Variants in GMEB1 observed in about 807,000 individuals in gnomAD.
The protein encoded by GMEB1 is glucocorticoid modulatory element binding protein 1, also known as glucocorticoid modulatory element-binding protein 1.
In GMEB1, 6 loss-of-function variants were observed where a neutral mutation model predicts 52.4. The ratio of observed to expected loss-of-function variants is 0.11; its 90% CI spans 0.06 to 0.23. The LOEUF is 0.23. Among genes scored for constraint, GMEB1 ranks in the 10% least tolerant of loss-of-function variants. GMEB1 has a pLI of 1.00. For missense variants in GMEB1, 486 were observed against 685.6 expected, an observed-to-expected ratio of 0.71 and a Z score of 3.25; for synonymous variants, 255 against 244.9, an observed-to-expected ratio of 1.04 and a Z score of -0.38.
In GMEB1 at chr1:28,689,933, A is replaced by G. The variant is rs183824249; in HGVS notation, c.129-171A>G. The G allele has an allele frequency of 5.9e-3, 3,000 of 508,652 alleles. 16 individuals are homozygous for G. The highest frequency in any genetic ancestry group is 6.2e-3 in the Non-Finnish European group (1,792 of 288,564). 31.5% of individuals were successfully genotyped at this position (508,652 alleles called of 1,614,324 possible). ...TTTTCATGGTAGAAGCTGCTAAGCAATCCTGGGAGGTTTGGAGTTTAAATA... is the reference window on the plus strand; with the variant it reads ...TTTTCATGGTAGAAGCTGCTAAGCAGTCCTGGGAGGTTTGGAGTTTAAATA... On this transcript the variant is annotated intron_variant, in intron 2 of 9. Coordinates refer to ENST00000373816, the MANE Select transcript of GMEB1 (RefSeq NM_001319674.2).
In GMEB1 at chr1:28,672,910, T is replaced by C. The variant is rs1437411611; in HGVS notation, c.-31+4071T>C. ...CATGCCACCATGCCCAGATAATTTT[T>C]TTTTTTTTGAGTTTTGCTCTTGTTG... On this transcript the variant is annotated intron_variant, in intron 1 of 9. Coordinates refer to ENST00000373816, the MANE Select transcript of GMEB1 (RefSeq NM_001319674.2). 2.0e-5 allele frequency among the ~76,000 whole-genome samples: 3 copies of C among 152,002 alleles called. No individual in the cohort carries two copies. The East Asian group carries it at 5.8e-4, about 29-fold the overall frequency.
chr1:28,695,324 C>T (rs1670151602), intron 5 of GMEB1, among the ~76,000 whole-genome samples: 1 of 151,436 alleles, frequency 6.6e-6, no homozygotes, highest in Non-Finnish European at 1.5e-5. Flanking sequence ...ACTGTACCTC[C>T]TAGATTCAAG....
chr1:28,711,485 ACT>A (rs1671059831), intron 9 of GMEB1, among the ~76,000 whole-genome samples: 1 of 151,904 alleles, frequency 6.6e-6, no homozygotes, highest in African/African-American at 2.4e-5. Flanking sequence ...ACAGGGTCTC[ACT>A]CTGTCACTGA....
chr1:28,697,014 G>C lies in GMEB1; in HGVS notation c.528G>C (p.Leu176=). Reference sequence around the variant, plus strand: ...GCAGAAGCACCAAATTTGATCTTCTGATCAGCAGTGCAAGAGCTCCAGTGC... The same window carrying C: ...GCAGAAGCACCAAATTTGATCTTCTCATCAGCAGTGCAAGAGCTCCAGTGC... The part of the protein sequence containing the change: ...NTCRSTKFDL[L]ISSARAPVPG... The change falls in exon 6 of 10, where the codon CTG becomes CTC. Residue 176 remains leucine (L), a synonymous_variant. Transcript: ENST00000373816. 1 of 1,611,966 alleles carries C rather than the reference G, an allele frequency of 6.2e-7. No individual in the cohort carries two copies. Among genetic ancestry groups the C allele is most frequent in the Non-Finnish European group, 8.5e-7 (1 of 1,178,972 alleles).
At chr1:28,704,381 G>T in intron 8 of GMEB1, 52 bp downstream of exon 8, 2 of 1,503,282 alleles carry the variant, frequency 1.3e-6, no homozygotes, top group Non-Finnish European at 1.8e-6. Flanking sequence ...ACTCACCTCC[G>T]TAGGCAGGTC....
At chr1:28,710,062 G>A (rs1670975042) in intron 8 of GMEB1, among the ~76,000 whole-genome samples, 1 of 152,114 alleles carries the variant, frequency 6.6e-6, no homozygotes, top group Admixed American at 6.6e-5. Context: ...CAGGAGAATG[G>A]CGTGAACCCG....
chr1:28,709,992 C>G (rs770583858), intron 8 of GMEB1, among the ~76,000 whole-genome samples: 1 of 151,822 alleles, frequency 6.6e-6, no homozygotes, highest in Non-Finnish European at 1.5e-5. Flanking sequence ...ACTAAAACTA[C>G]AAAAATTAGG....
chr1:28,714,207 G>C lies in GMEB1; in HGVS notation c.1126G>C (p.Ala376Pro), dbSNP rs1671186029. The C allele has an allele frequency of 6.2e-7, 1 of 1,614,164 alleles. No homozygotes were observed. Residue 376 changes from alanine (A) to proline (P), a missense_variant, in exon 10 of 10, where the codon GCC becomes CCC. Around this residue, in one of 5 missense-constraint regions of GMEB1, gnomAD observed 200 missense variants for 253.5 expected, o/e 0.79. Transcript: ENST00000373816. Reference sequence around the variant, plus strand: ...AAAAAGGCCCCGGCTCCAGCGGCCAGCCTCCACCACTGTCTTGAGCCCTTC... The same window carrying C: ...AAAAAGGCCCCGGCTCCAGCGGCCACCCTCCACCACTGTCTTGAGCCCTTC... ...PPKRPRLQRPASTTVLSPSPP... is the reference protein window; with the variant it reads ...PPKRPRLQRPPSTTVLSPSPP...
intron 2 of GMEB1, among the ~76,000 whole-genome samples, chr1:28,685,890 C>T (rs1020300161): frequency 2.0e-5 from 3 of 151,856 alleles, no homozygotes; most frequent in African/African-American, 4.8e-5. Context: ...ACCCGGGAGG[C>T]GGAAGTTGCA....
intron 8 of GMEB1, among the ~76,000 whole-genome samples, chr1:28,706,420 C>T (rs1670768564): frequency 6.6e-6 from 1 of 151,874 alleles, no homozygotes; most frequent in Non-Finnish European, 1.5e-5. Context: ...GCCTGGCCAG[C>T]ATGGTGAAAC....
chr1:28,712,433 C>T (rs1179653695), intron 9 of GMEB1, among the ~76,000 whole-genome samples: 1 of 152,160 alleles, frequency 6.6e-6, no homozygotes, highest in East Asian at 1.9e-4. Flanking sequence ...GGCTGAAAGT[C>T]CTAGTCTTTA....
intron 7 of GMEB1, 112 bp downstream of exon 7, chr1:28,702,681 G>A (rs1670572845): frequency 6.9e-6 from 6 of 866,658 alleles, no homozygotes; most frequent in South Asian, 1.6e-5. Context: ...TCTCATGCAC[G>A]TAAATACTAA....
chr1:28,710,121 TG>T (rs763287659), intron 8 of GMEB1, among the ~76,000 whole-genome samples: 3 of 152,014 alleles, frequency 2.0e-5, no homozygotes, highest in Non-Finnish European at 4.4e-5. Context: ...CACTCCAGCC[TG>T]GGGGACAGAG....
chr1:28,671,834 G>T lies in GMEB1; in HGVS notation c.-31+2995G>T, dbSNP rs546155179. On this transcript the variant is annotated intron_variant, in intron 1 of 9. Coordinates refer to ENST00000373816, the MANE Select transcript of GMEB1 (RefSeq NM_001319674.2). ...AGAGTGTGGAATAAATAAATATTTT[G>T]GGCTGGGCGCGGTAGCTCACGCCTG... Among the ~76,000 whole-genome samples, 7 of 151,946 alleles carry T rather than the reference G, an allele frequency of 4.6e-5. No individual in the cohort carries two copies. The South Asian group carries it at 1.5e-3, about 32-fold the overall frequency.
intron 5 of GMEB1, among the ~76,000 whole-genome samples, chr1:28,696,142 A>ACTGCAACCTCAGCTTC (rs1553137785): frequency 6.6e-6 from 1 of 151,538 alleles, no homozygotes; most frequent in Non-Finnish European, 1.5e-5. Flanking sequence ...ATCTCAGCTT[A>ACTGCAACCTCAGCTTC]CTGCAACCTC....
chr1:28,699,172 G>C (rs1013976114), intron 6 of GMEB1, among the ~76,000 whole-genome samples: 1 of 152,080 alleles, frequency 6.6e-6, no homozygotes, highest in African/African-American at 2.4e-5. Context: ...TTACCAAGTT[G>C]AGGCTTCCCA....
chr1:28,682,705 C>T (rs1230786812), intron 1 of GMEB1, among the ~76,000 whole-genome samples: 1 of 151,888 alleles, frequency 6.6e-6, no homozygotes, highest in Non-Finnish European at 1.5e-5. Context: ...AGTCATCTTC[C>T]CCTTCCCATG....
intron 5 of GMEB1, among the ~76,000 whole-genome samples, chr1:28,695,755 G>A (rs1326394448): frequency 2.1e-5 from 3 of 145,518 alleles, no homozygotes; most frequent in African/African-American, 7.6e-5. Flanking sequence ...CGGCTAAAAC[G>A]GTGAAACCCC....
At chr1:28,705,530 A>G (rs897300677) in intron 8 of GMEB1, among the ~76,000 whole-genome samples, 3 of 147,930 alleles carry the variant, frequency 2.0e-5, no homozygotes, top group Non-Finnish European at 1.5e-5. Flanking sequence ...GCTAACTGCA[A>G]CCTCCACCTC....
Sources: allele counts gnomAD v4.1 joint callset (sites outside exome capture counted in the v4.1 genomes callset), GRCh38; gene constraint gnomAD v4.1.1; regional missense constraint gnomAD v4.1.1; transcripts MANE v1.5; gene names NCBI Gene and HGNC (gene_info 2026-07-23, HGNC 2026-07-21).